DST: variants seen among roughly 807,000 people sequenced by gnomAD.
DST encodes bullous pemphigoid antigen.
Under a neutral mutation model 875.2 loss-of-function variants are expected in DST, and 253 were observed. That is an observed-to-expected ratio of 0.29 (90% CI 0.26 to 0.32). The LOEUF is 0.32. DST is among the 10% of genes least tolerant of loss of function. The pLI is 1.00. For missense variants in DST, 8,287 were observed against 9,111.6 expected (o/e 0.91, Z 3.68); for synonymous variants, 3,124 against 3,197.1 (o/e 0.98, Z 0.77).
rs143693015 is a variant in DST, at chr6:56,680,783, T to C, written c.1048-9976A>G. Among the ~76,000 whole-genome samples, 882 of 152,270 alleles carry C rather than the reference T, an allele frequency of 5.8e-3. 4 individuals carry two copies. Among genetic ancestry groups the C allele is most frequent in the African/African-American group, 0.02 (842 of 41,550 alleles). ...ACCACAATGGCTTTAACTGCCACCT[T>C]GACAGGGTTGACTCCCACATCCCTA... On this transcript the variant is annotated intron_variant, in intron 9 of 103. Coordinates refer to ENST00000680361, the MANE Select transcript of DST (RefSeq NM_001374736.1).
At chr6:56,793,485 T>C (rs1044678190) in intron 4 of DST, among the ~76,000 whole-genome samples, 2 of 152,220 alleles carry the variant, frequency 1.3e-5, no homozygotes, top group African/African-American at 4.8e-5. Context: ...CTTTAAGTTT[T>C]TCAAAATAAA....
chr6:56,700,135 T>C (rs1423308602), intron 8 of DST, among the ~76,000 whole-genome samples: 2 of 152,214 alleles, frequency 1.3e-5, no homozygotes, highest in African/African-American at 2.4e-5. Flanking sequence ...ATTTGTGAAC[T>C]GTGCATTTGA....
intron 9 of DST, among the ~76,000 whole-genome samples, chr6:56,697,658 C>G (rs972735937): frequency 6.6e-6 from 1 of 152,172 alleles, no homozygotes; most frequent in Non-Finnish European, 1.5e-5. Flanking sequence ...CCCTCCGAAG[C>G]CTGAATGCTT....
intron 62 of DST, 76 bp downstream of exon 62, chr6:56,536,703 A>T: frequency 7.2e-7 from 1 of 1,392,384 alleles, no homozygotes; most frequent in South Asian, 1.9e-5. Context: ...GGCTACCACA[A>T]ATATGATTCA....
intron 7 of DST, among the ~76,000 whole-genome samples, chr6:56,702,613 T>G (rs1242904357): frequency 6.6e-6 from 1 of 152,216 alleles, no homozygotes; most frequent in Non-Finnish European, 1.5e-5. Flanking sequence ...TATACTCGTT[T>G]TATACTACTT....
At chr6:56,551,869 G>A (rs1212263304) in intron 61 of DST, among the ~76,000 whole-genome samples, 1 of 150,176 alleles carries the variant, frequency 6.7e-6, no homozygotes, top group Non-Finnish European at 1.5e-5. Flanking sequence ...ACACAGCCAC[G>A]GTCACCACAG....
chr6:56,516,305 A>C (rs2096593356), intron 71 of DST, among the ~76,000 whole-genome samples: 1 of 152,178 alleles, frequency 6.6e-6, no homozygotes, highest in East Asian at 1.9e-4. Context: ...CATAGCAAAA[A>C]CTAATAGCAG....
At chr6:56,949,357 A>C (rs1821223560) in intron 2 of DST, among the ~76,000 whole-genome samples, 1 of 152,178 alleles carries the variant, frequency 6.6e-6, no homozygotes, top group African/African-American at 2.4e-5. Context: ...GAATAGGATT[A>C]ATTTGTCTTT....
chr6:56,778,900 G>T (rs569694598), intron 4 of DST, among the ~76,000 whole-genome samples: 1 of 152,046 alleles, frequency 6.6e-6, no homozygotes, highest in Non-Finnish European at 1.5e-5. Context: ...TATATACCCA[G>T]TAATGGGATG....
chr6:56,626,543 C>A (rs921929670), intron 34 of DST, among the ~76,000 whole-genome samples: 3 of 152,116 alleles, frequency 2.0e-5, no homozygotes, highest in African/African-American at 7.2e-5. Context: ...TATGTGAGTA[C>A]ACTCTACAAT....
intron 60 of DST, 135 bp from the exon 61 acceptor site, chr6:56,553,790 A>G (rs1009043145): frequency 2.5e-6 from 2 of 787,826 alleles, no homozygotes; most frequent in African/African-American, 1.7e-5. Context: ...GACTATAAGA[A>G]CTACAAGTGA....
chr6:56,865,826 A>G (rs1305036562), intron 3 of DST, among the ~76,000 whole-genome samples: 1 of 152,170 alleles, frequency 6.6e-6, no homozygotes, highest in Non-Finnish European at 1.5e-5. Context: ...AATGTCTGAA[A>G]TGTTCCCATT....
Position 56,659,346 on chromosome 6 carries a change from A to G in DST, c.1215-8102T>C, listed in dbSNP as rs115429780. On this transcript the variant is annotated intron_variant, in intron 10 of 103. Transcript: ENST00000680361. The stretch of plus-strand genomic sequence containing the variant: ...CCAACAGGCAATCTTGAAAAACTCG[A>G]GTGTTTACTGGCCTTGTGAAAGAGG... Among the ~76,000 whole-genome samples, 940 of 152,322 alleles carry G rather than the reference A, an allele frequency of 6.2e-3. 9 individuals are homozygous for G. Among genetic ancestry groups the G allele is most frequent in the African/African-American group, 0.022 (894 of 41,574 alleles).
chr6:56,912,513 T>G (rs1193035476), intron 2 of DST, among the ~76,000 whole-genome samples: 2 of 152,202 alleles, frequency 1.3e-5, no homozygotes, highest in Non-Finnish European at 2.9e-5. Flanking sequence ...AGATGAAACC[T>G]TAGCCTTTAT....
chr6:56,607,819 T>C lies in DST; in HGVS notation c.6809A>G (p.Asp2270Gly), dbSNP rs2098511753. The C allele has an allele frequency of 3.1e-6, 5 of 1,613,506 alleles. No homozygotes were observed. Among genetic ancestry groups the C allele is most frequent in the Non-Finnish European group, 4.2e-6 (5 of 1,179,698 alleles). Residue 2270 changes from aspartate (D) to glycine (G), a missense_variant, in exon 40 of 104, where the codon GAT (aspartate) becomes GGT (glycine). By Grantham distance (94) the Asp-to-Gly change is moderately conservative. Transcript: ENST00000680361. ...FLNNASGREKDECTATPSSFN... is the reference protein window; with the variant it reads ...FLNNASGREKGECTATPSSFN... ...ACTACTTGGTGTAGCTGTACATTCA[T>C]CCTTTTCTCTACCTGAAGCATTATT...
intron 53 of DST, 54 bp from the exon 54 acceptor site, chr6:56,570,066 A>T: frequency 3.2e-6 from 4 of 1,241,594 alleles, no homozygotes; most frequent in Non-Finnish European, 4.5e-6. Flanking sequence ...GAATAAATAA[A>T]TTATTATTCT....
At chr6:56,662,566 G>T (rs1345847320) in intron 10 of DST, among the ~76,000 whole-genome samples, 1 of 152,178 alleles carries the variant, frequency 6.6e-6, no homozygotes, top group Non-Finnish European at 1.5e-5. Context: ...TCTTCCTACC[G>T]TGGCTGTGTC....
chr6:56,610,879 A>G (rs1250145477), intron 38 of DST, among the ~76,000 whole-genome samples: 2 of 152,186 alleles, frequency 1.3e-5, no homozygotes, highest in Non-Finnish European at 2.9e-5. Context: ...CCCAACATGG[A>G]AAAGGGACAA....
chr6:56,532,667 T>G lies in DST; in HGVS notation c.16942-157A>C, dbSNP rs73749957. 0.012 allele frequency among the ~76,000 whole-genome samples: 1,780 copies of G among 152,354 alleles called. 45 individuals are homozygous for G. Among genetic ancestry groups the G allele is most frequent in the African/African-American group, 0.041 (1,709 of 41,592 alleles). ...AAGCGAGATTTTAAAGGTAACTCAT[T>G]TGTTTAATGATTTATTACTATTGGG... is the stretch of plus-strand genomic sequence containing the variant. On this transcript the variant is annotated intron_variant, in intron 63 of 103. Coordinates refer to ENST00000680361, the MANE Select transcript of DST (RefSeq NM_001374736.1).
Sources: gnomAD v4.1 joint callset for allele counts (sites outside exome capture counted in the v4.1 genomes callset) on GRCh38, gnomAD v4.1.1 for gene constraint, MANE v1.5 for transcripts, NCBI Gene and HGNC (gene_info 2026-07-23, HGNC 2026-07-21) for gene names.